The following SOX5 variants were observed in gnomAD, a reference collection of about 807,000 sequenced individuals.
SOX5 encodes transcription factor SOX-5.
In SOX5, 9 loss-of-function variants were observed where a neutral mutation model predicts 92.0. The observed-to-expected ratio is 0.10, with a 90% CI of 0.06 to 0.17. The LOEUF (loss-of-function observed/expected upper bound fraction) is 0.17, where lower values mean the gene tolerates loss of function less well. Ranked by LOEUF, SOX5 falls within the 10% of genes least tolerant of loss-of-function variation. The pLI is 1.00. For missense variants in SOX5, 642 were observed against 944.5 expected (o/e 0.68, Z 4.20); for synonymous variants, 344 against 336.3 (o/e 1.02, Z -0.25).
intron 3 of SOX5, among the ~76,000 whole-genome samples, chr12:23,835,626 C>A (rs1174227712): frequency 6.6e-6 from 1 of 151,756 alleles, no homozygotes; most frequent in Non-Finnish European, 1.5e-5. Context: ...AAGAAATTTA[C>A]TTTAGTAGAA....
intron 4 of SOX5, among the ~76,000 whole-genome samples, chr12:24,126,971 A>G (rs1949164624): frequency 6.6e-6 from 1 of 152,184 alleles, no homozygotes; most frequent in Non-Finnish European, 1.5e-5. Context: ...CTTGAAACTC[A>G]AATGAACAGT....
chr12:24,338,920 C>T (rs1025795215), intron 2 of SOX5, among the ~76,000 whole-genome samples: 6 of 152,188 alleles, frequency 3.9e-5, no homozygotes, highest in African/African-American at 1.4e-4. Context: ...ATTACCCAGT[C>T]TCAGGTATTT....
intron 1 of SOX5, among the ~76,000 whole-genome samples, chr12:24,476,153 A>G (rs989880786): frequency 6.6e-6 from 1 of 152,220 alleles, no homozygotes; most frequent in Non-Finnish European, 1.5e-5. Context: ...GTGTGTGAGG[A>G]AAGGGATACA....
chr12:23,614,511 T>C (rs1168364433), intron 8 of SOX5, among the ~76,000 whole-genome samples: 1 of 152,236 alleles, frequency 6.6e-6, no homozygotes, highest in Non-Finnish European at 1.5e-5. Flanking sequence ...TATTGTACTG[T>C]TGAAAAGTAT....
chr12:24,493,355 G>A (rs1315213218), intron 1 of SOX5, among the ~76,000 whole-genome samples: 1 of 151,932 alleles, frequency 6.6e-6, no homozygotes, highest in Non-Finnish European at 1.5e-5. Context: ...ATCATGAATG[G>A]GATTCTGGAA....
chr12:24,289,837 A>G (rs567256644), intron 2 of SOX5, among the ~76,000 whole-genome samples: 87 of 152,318 alleles, frequency 5.7e-4, no homozygotes, highest in African/African-American at 1.9e-3. Context: ...ACCATCCAGT[A>G]TCACAAGGAT....
At chr12:24,109,058 C>A (rs1280568960) in intron 4 of SOX5, among the ~76,000 whole-genome samples, 1 of 152,102 alleles carries the variant, frequency 6.6e-6, no homozygotes, top group East Asian at 1.9e-4. Context: ...TTGAAACCTG[C>A]AGACCTAATG....
chr12:24,092,484 G>A (rs1944772164), intron 4 of SOX5, among the ~76,000 whole-genome samples: 1 of 152,112 alleles, frequency 6.6e-6, no homozygotes, highest in African/African-American at 2.4e-5. Flanking sequence ...CCCCAAAGTG[G>A]ATGCTTCACC....
At position 24,456,715 on chromosome 12, in the gene SOX5, C is replaced by A. The variant is rs113321172; in HGVS notation, c.-250-88076G>T. Among the ~76,000 whole-genome samples, 605 of 152,312 alleles carry A rather than the reference C, an allele frequency of 4.0e-3. 4 individuals carry two copies. The highest frequency in any genetic ancestry group is 0.017 in the Middle Eastern group (5 of 294). On this transcript the variant is annotated intron_variant, in intron 1 of 4. Coordinates refer to the SOX5 transcript ENST00000446891. ...GACTCCTAATAAACATTCGCTATCT[C>A]CCTTGGCTCACCAAGTTTGCAAATG...
At chr12:24,464,323 A>ATT (rs11332671) in intron 1 of SOX5, among the ~76,000 whole-genome samples, 3 of 138,748 alleles carry the variant, frequency 2.2e-5, no homozygotes, top group African/African-American at 2.7e-5. Context: ...GTGAGAGTTA[A>ATT]TTTTTTTTTT....
rs1483011125 is a variant in SOX5 at position 24,250,821 on chromosome 12, C to A, written c.-77+26395G>T. Reference sequence around the variant, plus strand: ...AATAAGTTAAAATTAAACGCCCTACCTTCCCCATGGGCTTTCCCAACAACT... The same window carrying A: ...AATAAGTTAAAATTAAACGCCCTACATTCCCCATGGGCTTTCCCAACAACT... On this transcript the variant is annotated intron_variant, in intron 3 of 4. Transcript: ENST00000446891. 2.6e-5 allele frequency among the ~76,000 whole-genome samples: 4 copies of A among 152,124 alleles called. No individual in the cohort carries two copies. In the East Asian group the frequency reaches 5.8e-4, roughly 22 times the overall value.
intron 6 of SOX5, among the ~76,000 whole-genome samples, chr12:23,669,065 T>TCTG (rs1488095905): frequency 1.3e-5 from 2 of 151,830 alleles, no homozygotes; most frequent in African/African-American, 4.8e-5. Context: ...TCAATCAACA[T>TCTG]CTGCTAAGTA....
At chr12:23,998,123 A>T (rs1053028520) in intron 4 of SOX5, among the ~76,000 whole-genome samples, 1 of 152,180 alleles carries the variant, frequency 6.6e-6, no homozygotes, top group African/African-American at 2.4e-5. Flanking sequence ...CAGGTGTCAG[A>T]CTTGCCTAAC....
intron 4 of SOX5, among the ~76,000 whole-genome samples, chr12:24,122,379 T>A (rs1001729561): frequency 1.3e-5 from 2 of 152,150 alleles, no homozygotes; most frequent in African/African-American, 4.8e-5. Flanking sequence ...ACCAAGGAAT[T>A]TGGCTTGTTG....
chr12:24,373,778 C>T (rs1402815972), intron 1 of SOX5, among the ~76,000 whole-genome samples: 1 of 152,176 alleles, frequency 6.6e-6, no homozygotes. Flanking sequence ...GACTGCCACT[C>T]GTAACAGATA....
At chr12:24,461,692 A>G (rs778979737) in intron 1 of SOX5, among the ~76,000 whole-genome samples, 15 of 152,240 alleles carry the variant, frequency 9.9e-5, no homozygotes, top group Non-Finnish European at 1.9e-4. Context: ...TAATAGTAAT[A>G]AAACCTAACC....
intron 2 of SOX5, among the ~76,000 whole-genome samples, chr12:23,857,986 G>A (rs7964302): frequency 0.43 from 65,749 of 151,684 alleles, 14,480 homozygotes; most frequent in East Asian, 0.57. Context: ...TGCCTGCCTC[G>A]GCCTCCCAAA....
intron 4 of SOX5, among the ~76,000 whole-genome samples, chr12:24,038,580 A>AT (rs560790881): frequency 1.3e-3 from 194 of 150,048 alleles, no homozygotes; most frequent in South Asian, 3.0e-3. Flanking sequence ...TTAGCTTAGC[A>AT]TTTTTTTTTT....
At chr12:24,531,219 GA>G (rs982277718) in intron 1 of SOX5, among the ~76,000 whole-genome samples, 1 of 150,684 alleles carries the variant, frequency 6.6e-6, no homozygotes, top group African/African-American at 2.4e-5. Context: ...CATTAAGCAG[GA>G]AAAAAAAATC....
Sources: allele counts gnomAD v4.1 joint callset (sites outside exome capture counted in the v4.1 genomes callset), GRCh38; gene constraint gnomAD v4.1.1; transcripts MANE v1.5; gene names NCBI Gene and HGNC (gene_info 2026-07-23, HGNC 2026-07-21).